Variants in ESRRG observed in about 807,000 individuals in gnomAD.
The protein encoded by ESRRG is estrogen-related receptor gamma.
ESRRG carries 13 observed loss-of-function variants against 44.0 expected under a neutral mutation model. The observed-to-expected ratio is 0.30, with a 90% CI of 0.19 to 0.47. The LOEUF is 0.47. ESRRG is among the 20% of genes least tolerant of loss of function. The pLI is 1.00. For synonymous variants in ESRRG, 215 were observed against 214.6 expected (o/e 1.00, Z -0.02); for missense variants, 395 against 580.6 (o/e 0.68, Z 3.29).
At chr1:216,783,115 G>A (rs2093994869) in intron 2 of ESRRG, among the ~76,000 whole-genome samples, 1 of 151,978 alleles carries the variant, frequency 6.6e-6, no homozygotes, top group South Asian at 2.1e-4. Flanking sequence ...GGGATTCCAT[G>A]GGGCAGGGGG....
At position 216,505,365 on chromosome 1, in the gene ESRRG, G is replaced by A. The variant is rs2041018438; in HGVS notation, c.*1574C>T. ...ATTGGCTTAGCTCTTGGTAAAAACT[G>A]CAGATTAATTTAAACGAACATTCCT... On this transcript the variant is annotated 3_prime_UTR_variant, in exon 7 of 7. Transcript: ENST00000408911. 1 of 152,544 alleles carries A rather than the reference G, an allele frequency of 6.6e-6. No individual in the cohort carries two copies. Among genetic ancestry groups the A allele is most frequent in the Non-Finnish European group, 1.5e-5 (1 of 68,030 alleles). The allele number at this position is 152,544 out of a possible 1,614,324, so 9.4% of individuals were successfully genotyped here. A position where few individuals can be genotyped will look rare whatever the true frequency, so the allele number is the denominator to read the frequency against.
At chr1:216,737,328 G>C (rs1186418973) in intron 2 of ESRRG, among the ~76,000 whole-genome samples, 3 of 152,100 alleles carry the variant, frequency 2.0e-5, no homozygotes, top group Non-Finnish European at 4.4e-5. Flanking sequence ...TAGACAGGTG[G>C]GCTGGTGGGT....
chr1:216,697,114 C>T (rs2151815988), intron 1 of ESRRG, among the ~76,000 whole-genome samples: 1 of 152,092 alleles, frequency 6.6e-6, no homozygotes, highest in South Asian at 2.1e-4. Flanking sequence ...TACAGGCGTG[C>T]ACCACCATGC....
At chr1:216,740,912 T>A (rs562776348) in intron 2 of ESRRG, among the ~76,000 whole-genome samples, 8 of 138,640 alleles carry the variant, frequency 5.8e-5, no homozygotes, top group Non-Finnish European at 1.3e-4. Flanking sequence ...ATATACATAT[T>A]GACATTCTTT....
At chr1:217,080,386 T>C (rs1197676758) in intron 1 of ESRRG, among the ~76,000 whole-genome samples, 2 of 152,166 alleles carry the variant, frequency 1.3e-5, no homozygotes, top group Non-Finnish European at 2.9e-5. Flanking sequence ...TTGGAGGTTA[T>C]ATGTGGCCTT....
At chr1:216,521,465 T>C (rs2046062977) in intron 5 of ESRRG, among the ~76,000 whole-genome samples, 1 of 146,840 alleles carries the variant, frequency 6.8e-6, no homozygotes, top group African/African-American at 2.5e-5. Context: ...AAAAAAAAAA[T>C]CATCTGGAAA....
intron 2 of ESRRG, among the ~76,000 whole-genome samples, chr1:216,773,685 T>C (rs1192571953): frequency 6.6e-6 from 1 of 152,140 alleles, no homozygotes; most frequent in African/African-American, 2.4e-5. Context: ...ATCTTTTATA[T>C]AAGGGAAAAT....
At chr1:216,670,908 T>C (rs1240720001) in intron 2 of ESRRG, among the ~76,000 whole-genome samples, 1 of 152,148 alleles carries the variant, frequency 6.6e-6, no homozygotes, top group Non-Finnish European at 1.5e-5. Context: ...GACTGACCAA[T>C]AAAAAGTCAG....
At chr1:216,624,406 C>T (rs2062813170) in intron 3 of ESRRG, among the ~76,000 whole-genome samples, 1 of 152,092 alleles carries the variant, frequency 6.6e-6, no homozygotes, top group Non-Finnish European at 1.5e-5. Flanking sequence ...AAACAATGAC[C>T]CTACAGTAGA....
chr1:216,767,879 A>T (rs1351275113), intron 2 of ESRRG, among the ~76,000 whole-genome samples: 1 of 152,118 alleles, frequency 6.6e-6, no homozygotes, highest in Non-Finnish European at 1.5e-5. Context: ...TCCCAACACA[A>T]CTCTTTCATA....
Position 217,057,942 on chromosome 1 carries a change from A to C in ESRRG, c.-106+31565T>G, listed in dbSNP as rs185074053. The stretch of plus-strand genomic sequence containing the variant: ...AAAGATTGGACACCACTGAATTAAG[A>C]GAAAAAATAATAATGAACATAGGCA... On this transcript the variant is annotated intron_variant, in intron 1 of 7. Transcript: ENST00000359162. 4.6e-5 allele frequency among the ~76,000 whole-genome samples: 7 copies of C among 152,318 alleles called. No homozygotes were observed. In the East Asian group the frequency reaches 1.3e-3, roughly 29 times the overall value.
At chr1:216,553,516 A>G in intron 5 of ESRRG, among the ~76,000 whole-genome samples, 1 of 152,140 alleles carries the variant, frequency 6.6e-6, no homozygotes, top group East Asian at 1.9e-4. Flanking sequence ...TGCCAGAATA[A>G]TGCCCATTCT....
In ESRRG at chr1:216,605,875, TAA is replaced by T. The variant is rs34585572; in HGVS notation, c.590-37779_590-37778del. On this transcript the variant is annotated intron_variant, in intron 3 of 6. Transcript: ENST00000408911. Reference sequence around the variant, plus strand: ...AAAAATCAATAAAGAGAGCTTAAATTAAAAAAAAAAAAAAGACCCTTCTGAAG... The same window carrying T: ...AAAAATCAATAAAGAGAGCTTAAATTAAAAAAAAAAAAGACCCTTCTGAAG... Among the ~76,000 whole-genome samples the T allele has an allele frequency of 2.6e-3, 369 of 144,354 alleles. 1 individual carries two copies. Among genetic ancestry groups the T allele is most frequent in the Non-Finnish European group, 3.1e-3 (201 of 65,480 alleles). 94.7% of individuals were successfully genotyped at this position (144,354 alleles called of 152,430 possible). A position where few individuals can be genotyped will look rare whatever the true frequency, so the allele number is the denominator to read the frequency against.
chr1:216,866,813 C>T (rs2096172487), intron 2 of ESRRG, among the ~76,000 whole-genome samples: 1 of 152,098 alleles, frequency 6.6e-6, no homozygotes, highest in African/African-American at 2.4e-5. Context: ...AGTCTTCAAA[C>T]TCTGGCATCC....
chr1:217,038,510 A>T (rs1432323834), intron 1 of ESRRG, among the ~76,000 whole-genome samples: 1 of 152,150 alleles, frequency 6.6e-6, no homozygotes, highest in Non-Finnish European at 1.5e-5. Flanking sequence ...TCCTCATGGA[A>T]CCTGCCAAGG....
At chr1:217,060,991 T>C (rs1308054772) in intron 1 of ESRRG, among the ~76,000 whole-genome samples, 1 of 4,286 alleles carries the variant, frequency 2.3e-4, no homozygotes, top group South Asian at 8.6e-3. Context: ...TGGGTAGTCT[T>C]TTTTTTTTAG....
At chr1:216,610,711 A>T (rs2060533283) in intron 3 of ESRRG, among the ~76,000 whole-genome samples, 1 of 152,028 alleles carries the variant, frequency 6.6e-6, no homozygotes, top group East Asian at 1.9e-4. Context: ...ATATATATGT[A>T]TATGTACATG....
chr1:216,901,633 A>T (rs1016843253), intron 2 of ESRRG, among the ~76,000 whole-genome samples: 1 of 152,102 alleles, frequency 6.6e-6, no homozygotes, highest in African/African-American at 2.4e-5. Context: ...GGCCTCCCAA[A>T]GTATTGGGGT....
At chr1:216,637,789 C>CT (rs1031374765) in intron 3 of ESRRG, among the ~76,000 whole-genome samples, 40 of 150,918 alleles carry the variant, frequency 2.7e-4, no homozygotes, top group Admixed American at 2.2e-3. Flanking sequence ...TTTTTTTCTC[C>CT]TTTTTTTGGA....
Sources: allele counts gnomAD v4.1 joint callset (sites outside exome capture counted in the v4.1 genomes callset), GRCh38; gene constraint gnomAD v4.1.1; transcripts MANE v1.5; gene names NCBI Gene and HGNC (gene_info 2026-07-23, HGNC 2026-07-21).